The following ZBTB20 variants were observed in gnomAD, a reference collection of about 807,000 sequenced individuals.
ZBTB20 encodes the protein zinc finger and BTB domain-containing protein 20.
A neutral mutation model predicts 56.9 loss-of-function variants in ZBTB20; 9 were observed. That is an observed-to-expected ratio of 0.16 (90% CI 0.10 to 0.28). The LOEUF (loss-of-function observed/expected upper bound fraction) is 0.28, where lower values mean the gene tolerates loss of function less well. ZBTB20 is among the 10% of genes least tolerant of loss of function. The pLI, the probability that ZBTB20 is intolerant of heterozygous loss-of-function variation, is 1.00. For missense variants in ZBTB20, 655 were observed against 1,003.0 expected, an observed-to-expected ratio of 0.65 and a Z score of 4.69; for synonymous variants, 417 against 420.7, an observed-to-expected ratio of 0.99 and a Z score of 0.11.
At chr3:114,765,082 G>A (rs141216850) in intron 5 of ZBTB20, among the ~76,000 whole-genome samples, 6 of 152,276 alleles carry the variant, frequency 3.9e-5, no homozygotes, top group Middle Eastern at 3.4e-3. Flanking sequence ...GACAGAGGAG[G>A]TGAGGGAGAA....
chr3:114,919,170 A>C lies in ZBTB20; in HGVS notation c.-455-18828T>G, dbSNP rs191440713. Reference sequence around the variant, plus strand: ...ATGGATACACAATATAAAAAGGTATAAAATGTTATATCAATAAAGTGGGGG... The same window carrying C: ...ATGGATACACAATATAAAAAGGTATCAAATGTTATATCAATAAAGTGGGGG... On this transcript the variant is annotated intron_variant, in intron 3 of 11. Coordinates refer to ENST00000675478, the MANE Select transcript of ZBTB20 (RefSeq NM_001348800.3). Among the ~76,000 whole-genome samples the C allele has an allele frequency of 6.6e-4, 101 of 152,366 alleles. 1 individual carries two copies. The highest frequency in any genetic ancestry group is 2.3e-3 in the African/African-American group (96 of 41,596).
intron 2 of ZBTB20, among the ~76,000 whole-genome samples, chr3:115,016,622 G>C (rs1430461563): frequency 1.3e-5 from 2 of 151,790 alleles, no homozygotes; most frequent in African/African-American, 2.4e-5. Flanking sequence ...GATGGTTGTA[G>C]GCATGTGGTC....
chr3:114,662,834 C>T (rs1217810672), intron 6 of ZBTB20, among the ~76,000 whole-genome samples: 3 of 152,020 alleles, frequency 2.0e-5, no homozygotes, highest in African/African-American at 7.3e-5. Context: ...AATTTTCTCC[C>T]ATGTTGTAGG....
At chr3:114,370,789 T>A (rs980312522) in intron 10 of ZBTB20, among the ~76,000 whole-genome samples, 1 of 152,246 alleles carries the variant, frequency 6.6e-6, no homozygotes, top group Non-Finnish European at 1.5e-5. Context: ...TGGGAACACC[T>A]GTGGTAGCTC....
chr3:114,856,600 G>A (rs1252747852), intron 4 of ZBTB20, among the ~76,000 whole-genome samples: 1 of 151,974 alleles, frequency 6.6e-6, no homozygotes. Flanking sequence ...ACACCCTAAT[G>A]AATTATTGTG....
chr3:114,847,287 G>GAA (rs11306268), intron 4 of ZBTB20, among the ~76,000 whole-genome samples: 40 of 145,714 alleles, frequency 2.7e-4, no homozygotes, highest in Middle Eastern at 3.4e-3. Flanking sequence ...TGGTTCATGA[G>GAA]AAAAAAAAAA....
chr3:114,661,761 T>C (rs1361846995), intron 6 of ZBTB20, among the ~76,000 whole-genome samples: 1 of 152,130 alleles, frequency 6.6e-6, no homozygotes, highest in Non-Finnish European at 1.5e-5. Flanking sequence ...AACTTGCCTA[T>C]AATGTGACTT....
intron 3 of ZBTB20, among the ~76,000 whole-genome samples, chr3:114,912,821 T>C (rs1259676367): frequency 1.3e-5 from 2 of 151,946 alleles, no homozygotes; most frequent in African/African-American, 2.4e-5. Flanking sequence ...GTGAGCTCAA[T>C]TGTTTTAATT....
At chr3:114,598,674 T>G (rs1039867332) in intron 6 of ZBTB20, among the ~76,000 whole-genome samples, 5 of 152,074 alleles carry the variant, frequency 3.3e-5, no homozygotes, top group Admixed American at 2.6e-4. Context: ...AATAGGGATA[T>G]CCGAGTGGTA....
intron 6 of ZBTB20, among the ~76,000 whole-genome samples, chr3:114,554,610 T>C (rs2050980543): frequency 6.6e-6 from 1 of 152,180 alleles, no homozygotes; most frequent in Non-Finnish European, 1.5e-5. Flanking sequence ...TATGAATAAA[T>C]GTCAAATCCT....
intron 6 of ZBTB20, among the ~76,000 whole-genome samples, chr3:114,650,285 G>T (rs1208541951): frequency 6.6e-6 from 1 of 151,692 alleles, no homozygotes; most frequent in Non-Finnish European, 1.5e-5. Flanking sequence ...TTGAAAAGTA[G>T]CCATAAAAAC....
At chr3:114,629,252 C>G (rs1040420202) in intron 6 of ZBTB20, among the ~76,000 whole-genome samples, 1 of 152,124 alleles carries the variant, frequency 6.6e-6, no homozygotes, top group African/African-American at 2.4e-5. Flanking sequence ...ATAATATCCA[C>G]TTCTATTAAT....
At chr3:114,855,032 C>T (rs1236623903) in intron 4 of ZBTB20, among the ~76,000 whole-genome samples, 5 of 152,082 alleles carry the variant, frequency 3.3e-5, no homozygotes, top group African/African-American at 9.7e-5. Context: ...TAAATCTTTA[C>T]GACAGAGACC....
intron 5 of ZBTB20, among the ~76,000 whole-genome samples, chr3:114,707,954 G>C (rs894464752): frequency 1.3e-5 from 2 of 152,136 alleles, no homozygotes; most frequent in African/African-American, 4.8e-5. Flanking sequence ...CATGGTACTT[G>C]GAATTGCAAA....
chr3:114,747,938 A>AC lies in ZBTB20; in HGVS notation c.-343+53162_-343+53163insG. Among the ~76,000 whole-genome samples, 2 of 149,164 alleles carry AC rather than the reference A, an allele frequency of 1.3e-5. 1 individual carries two copies. Among genetic ancestry groups the AC allele is most frequent in the Admixed American group, 1.3e-4 (2 of 14,928 alleles). On this transcript the variant is annotated intron_variant, in intron 5 of 11. Transcript: ENST00000675478. ...TCTCAAAAAAAAAAAAAAAAAAAAA[A>AC]AAAAAAAAAAAACCAAGATTGAGAG...
intron 3 of ZBTB20, among the ~76,000 whole-genome samples, chr3:114,944,690 G>T (rs1172615390): frequency 6.9e-6 from 1 of 145,440 alleles, no homozygotes; most frequent in Non-Finnish European, 1.5e-5. Context: ...AACATACGTG[G>T]ACCTGGAAGA....
chr3:114,536,275 G>C (rs532648613), intron 6 of ZBTB20, among the ~76,000 whole-genome samples: 1 of 152,306 alleles, frequency 6.6e-6, no homozygotes, highest in South Asian at 2.1e-4. Context: ...ATCTCCTTAA[G>C]CTGATAAGCA....
rs145243916 is a variant in ZBTB20 at position 115,091,601 on chromosome 3, C to T, written c.-702-20187G>A. Among the ~76,000 whole-genome samples the T allele has an allele frequency of 8.6e-4, 131 of 151,558 alleles. 1 individual carries two copies. The highest frequency in any genetic ancestry group is 3.0e-3 in the African/African-American group (123 of 41,402). On this transcript the variant is annotated intron_variant, in intron 1 of 11. Transcript: ENST00000675478. ...GGTAATTTATAAAGGGATGTTTAGG[C>T]AGGAAGTGGTATCAGAAGCTGTTTT...
chr3:114,504,417 T>C (rs1459207794), intron 6 of ZBTB20, among the ~76,000 whole-genome samples: 1 of 152,076 alleles, frequency 6.6e-6, no homozygotes, highest in Non-Finnish European at 1.5e-5. Flanking sequence ...AGCCACAAAA[T>C]AAATAGTAAA....
Sources: gnomAD v4.1 joint callset for allele counts (sites outside exome capture counted in the v4.1 genomes callset) on GRCh38, gnomAD v4.1.1 for gene constraint, MANE v1.5 for transcripts, NCBI Gene and HGNC (gene_info 2026-07-23, HGNC 2026-07-21) for gene names.